DIAPH3: variants seen among roughly 807,000 people sequenced by gnomAD.
DIAPH3 encodes the protein diaphanous related formin 3, also known as protein diaphanous homolog 3.
DIAPH3 carries 117 observed loss-of-function variants against 144.3 expected under a neutral mutation model. The observed-to-expected ratio is 0.81, with a 90% confidence interval of 0.70 to 0.95. DIAPH3 has a LOEUF of 0.95. DIAPH3 is among the 40% of genes least tolerant of loss of function. The probability of loss-of-function intolerance (pLI) is 0.00; values close to 1 mark genes in which losing one functional copy is unlikely to be tolerated. For synonymous variants in DIAPH3, 519 were observed against 488.9 expected (o/e 1.06, Z -0.81); for missense variants, 1,421 against 1,412.7 (o/e 1.01, Z -0.09).
chr13:59,763,600 C>T (rs2037720453), intron 27 of DIAPH3, among the ~76,000 whole-genome samples: 1 of 152,108 alleles, frequency 6.6e-6, no homozygotes, highest in Admixed American at 6.5e-5. Flanking sequence ...GGATGGATGG[C>T]TTGAGTCTGG....
chr13:60,045,952 A>G (rs2056039267), intron 4 of DIAPH3, among the ~76,000 whole-genome samples: 1 of 152,212 alleles, frequency 6.6e-6, no homozygotes, highest in African/African-American at 2.4e-5. Flanking sequence ...ATAATTCTTA[A>G]TTCCTTTAAC....
At chr13:60,113,828 C>A (rs1010691736) in intron 2 of DIAPH3, among the ~76,000 whole-genome samples, 53 of 152,314 alleles carry the variant, frequency 3.5e-4, no homozygotes, top group African/African-American at 1.3e-3. Flanking sequence ...TGGGTGCTGG[C>A]ATTAGAATTT....
intron 20 of DIAPH3, among the ~76,000 whole-genome samples, chr13:59,904,981 C>T (rs2046646718): frequency 6.6e-6 from 1 of 151,592 alleles, no homozygotes; most frequent in South Asian, 2.1e-4. Flanking sequence ...TAAAAGTCAC[C>T]AACTAAAAAA....
chr13:59,758,191 C>T (rs1452450173), intron 27 of DIAPH3, among the ~76,000 whole-genome samples: 4 of 152,104 alleles, frequency 2.6e-5, no homozygotes, highest in Non-Finnish European at 4.4e-5. Context: ...GCATATCCAA[C>T]AAAACAGCAA....
intron 2 of DIAPH3, among the ~76,000 whole-genome samples, chr13:60,122,731 C>T (rs1466216364): frequency 1.3e-5 from 2 of 151,900 alleles, no homozygotes; most frequent in Non-Finnish European, 2.9e-5. Context: ...CTTCCTAACA[C>T]TGATAATTTA....
intron 14 of DIAPH3, among the ~76,000 whole-genome samples, chr13:59,980,102 G>T (rs1239394683): frequency 6.6e-6 from 1 of 151,478 alleles, no homozygotes; most frequent in Non-Finnish European, 1.5e-5. Flanking sequence ...CAAAAAAATT[G>T]CAATCTCAGG....
At chr13:59,820,668 A>T (rs932989535) in intron 24 of DIAPH3, among the ~76,000 whole-genome samples, 2 of 151,646 alleles carry the variant, frequency 1.3e-5, no homozygotes, top group East Asian at 3.8e-4. Flanking sequence ...CCTATATTCC[A>T]AATAGGCCTT....
rs1038504327 is a variant in DIAPH3 at position 59,901,013 on chromosome 13, A to G, written c.2367+10722T>C. Among the ~76,000 whole-genome samples, 9 of 152,220 alleles carry G rather than the reference A, an allele frequency of 5.9e-5. No homozygotes were observed. The South Asian group carries it at 1.7e-3, about 28-fold the overall frequency. ...ATCATCCAGAATCTACTTCTCACCAATGACACTGCTGCTAAGCCTGTCAAA... is the reference window on the plus strand; with the variant it reads ...ATCATCCAGAATCTACTTCTCACCAGTGACACTGCTGCTAAGCCTGTCAAA... On this transcript the variant is annotated intron_variant, in intron 20 of 27. Transcript: ENST00000400324.
rs757042309 is a variant in DIAPH3, at chr13:60,156,939, A to AT, written c.180+6647dup. Among the ~76,000 whole-genome samples, 42 of 82,028 alleles carry AT rather than the reference A, an allele frequency of 5.1e-4. 1 individual carries two copies. Among genetic ancestry groups the AT allele is most frequent in the East Asian group, 7.2e-4 (3 of 4,144 alleles). 53.8% of individuals were successfully genotyped at this position (82,028 alleles called of 152,430 possible). A position where few individuals can be genotyped will look rare whatever the true frequency, so the allele number is the denominator to read the frequency against. On this transcript the variant is annotated intron_variant, in intron 1 of 27. Transcript: ENST00000400324. Reference sequence around the variant, plus strand: ...CCTTCATATATATATATATATATATATTTTTTTTTTTTTTTTTTTTGAGAC... The same window carrying AT: ...CCTTCATATATATATATATATATATATTTTTTTTTTTTTTTTTTTTTGAGAC...
intron 17 of DIAPH3, among the ~76,000 whole-genome samples, chr13:59,968,169 A>G (rs1160660487): frequency 2.0e-5 from 3 of 152,188 alleles, no homozygotes; most frequent in Non-Finnish European, 2.9e-5. Context: ...AATTTTTTAA[A>G]GGTCCAATTA....
intron 4 of DIAPH3, among the ~76,000 whole-genome samples, chr13:60,065,801 C>A (rs2141319565): frequency 6.6e-6 from 1 of 151,602 alleles, no homozygotes; most frequent in Admixed American, 6.6e-5. Context: ...CTTTGAGCAA[C>A]AAAAAACTGG....
At chr13:60,036,952 T>C (rs1241377172) in intron 5 of DIAPH3, among the ~76,000 whole-genome samples, 3 of 23,996 alleles carry the variant, frequency 1.3e-4, no homozygotes. Context: ...ACCCATCATA[T>C]TCAAAAAGCC....
At chr13:60,028,099 T>G (rs2054512089) in intron 5 of DIAPH3, among the ~76,000 whole-genome samples, 11 of 152,264 alleles carry the variant, frequency 7.2e-5, no homozygotes, top group African/African-American at 2.6e-4. Context: ...CAAGGCCAAT[T>G]CACATTTCCT....
intron 20 of DIAPH3, among the ~76,000 whole-genome samples, chr13:59,881,855 G>T (rs2045073572): frequency 6.6e-6 from 1 of 152,006 alleles, no homozygotes; most frequent in African/African-American, 2.4e-5. Context: ...TTTCTTCCAA[G>T]TTTAGATAAA....
intron 23 of DIAPH3, chr13:59,838,176 T>G (rs187681866): frequency 1.3e-3 from 198 of 152,278 alleles, no homozygotes; most frequent in African/African-American, 4.6e-3. Context: ...ATATGGGATT[T>G]TAATAATGCA....
chr13:59,884,790 A>AC (rs1361957563), intron 20 of DIAPH3, among the ~76,000 whole-genome samples: 1 of 151,866 alleles, frequency 6.6e-6, no homozygotes, highest in Admixed American at 6.6e-5. Flanking sequence ...TCAAAAAAAA[A>AC]AAAAAAGCTA....
chr13:60,136,044 T>A (rs983087922), intron 1 of DIAPH3, among the ~76,000 whole-genome samples: 1 of 152,062 alleles, frequency 6.6e-6, no homozygotes, highest in Non-Finnish European at 1.5e-5. Flanking sequence ...CTTATACACA[T>A]AAAATAGGGA....
At chr13:59,800,020 C>A (rs1593892231) in intron 25 of DIAPH3, among the ~76,000 whole-genome samples, 1 of 64,884 alleles carries the variant, frequency 1.5e-5, no homozygotes, top group African/African-American at 4.5e-5. Flanking sequence ...AAAAAGACTT[C>A]TTTTTGAAGT....
intron 20 of DIAPH3, among the ~76,000 whole-genome samples, chr13:59,882,229 C>T (rs765543305): frequency 1.3e-5 from 2 of 152,104 alleles, no homozygotes; most frequent in African/African-American, 2.4e-5. Context: ...GCTGGGATTA[C>T]AGCCATGAGC....
Sources: gnomAD v4.1 joint callset for allele counts (sites outside exome capture counted in the v4.1 genomes callset) on GRCh38, gnomAD v4.1.1 for gene constraint, MANE v1.5 for transcripts, NCBI Gene and HGNC (gene_info 2026-07-23, HGNC 2026-07-21) for gene names.